ANO3: variants seen among roughly 807,000 people sequenced by gnomAD.
ANO3 encodes the protein anoctamin-3.
A neutral mutation model predicts 144.8 loss-of-function variants in ANO3; 99 were observed. That is an observed-to-expected ratio of 0.68 (90% CI 0.58 to 0.81). The LOEUF is 0.81. Ranked by LOEUF, ANO3 falls within the 30% of genes least tolerant of loss-of-function variation. The pLI, the probability that ANO3 is intolerant of heterozygous loss-of-function variation, is 0.00. For synonymous variants in ANO3, 414 were observed against 392.6 expected, an observed-to-expected ratio of 1.05 and a Z score of -0.64; for missense variants, 905 against 1,202.2, an observed-to-expected ratio of 0.75 and a Z score of 3.66.
chr11:26,258,058 T>G (rs1853100186), intron 1 of ANO3, among the ~76,000 whole-genome samples: 1 of 152,130 alleles, frequency 6.6e-6, no homozygotes, highest in South Asian at 2.1e-4. Flanking sequence ...GAGTACTCAT[T>G]TCTGGTAAGA....
At chr11:26,236,135 A>G (rs901948759) in intron 1 of ANO3, among the ~76,000 whole-genome samples, 2 of 152,178 alleles carry the variant, frequency 1.3e-5, no homozygotes, top group Non-Finnish European at 2.9e-5. Context: ...TGTGCATCAT[A>G]GTTTATTAAA....
chr11:26,408,569 T>A (rs12420352), intron 1 of ANO3, among the ~76,000 whole-genome samples: 143,238 of 146,400 alleles, frequency 0.98, 70,150 homozygotes, highest in Middle Eastern at 1. Context: ...CGGTGTGGCG[T>A]TTCCTCAGGG....
intron 1 of ANO3, among the ~76,000 whole-genome samples, chr11:26,369,790 C>G (rs1369874717): frequency 1.3e-5 from 2 of 152,088 alleles, no homozygotes; most frequent in Non-Finnish European, 1.5e-5. Flanking sequence ...TTTACTGTTA[C>G]TTTCTAAATT....
intron 1 of ANO3, among the ~76,000 whole-genome samples, chr11:26,335,609 T>C (rs1386899420): frequency 6.6e-6 from 1 of 152,222 alleles, no homozygotes; most frequent in Non-Finnish European, 1.5e-5. Context: ...TAATCTAAAA[T>C]GTTTTTGCAA....
intron 1 of ANO3, among the ~76,000 whole-genome samples, chr11:26,248,764 A>G (rs1029653338): frequency 3.3e-5 from 5 of 152,268 alleles, no homozygotes; most frequent in Middle Eastern, 6.8e-3. Context: ...TTGCCTTTAT[A>G]TCGCGGTCCC....
At chr11:26,325,054 T>C (rs1420173320) in intron 1 of ANO3, among the ~76,000 whole-genome samples, 1 of 152,146 alleles carries the variant, frequency 6.6e-6, no homozygotes, top group Non-Finnish European at 1.5e-5. Flanking sequence ...CAAACTTTCC[T>C]GAAAGGGACC....
intron 1 of ANO3, among the ~76,000 whole-genome samples, chr11:26,250,551 T>A (rs1364010023): frequency 6.6e-6 from 1 of 152,176 alleles, no homozygotes; most frequent in Non-Finnish European, 1.5e-5. Flanking sequence ...TTCTGTTGGA[T>A]TCATCACTGC....
At chr11:26,272,261 T>G (rs1853455322) in intron 1 of ANO3, among the ~76,000 whole-genome samples, 1 of 151,870 alleles carries the variant, frequency 6.6e-6, no homozygotes, top group African/African-American at 2.4e-5. Context: ...GTCATGATAT[T>G]ACAAGAAAAA....
chr11:26,233,994 CGG>C (rs34117140), intron 1 of ANO3, among the ~76,000 whole-genome samples: 48,622 of 151,550 alleles, frequency 0.32, 8,534 homozygotes, highest in Non-Finnish European at 0.38. Context: ...CTAATGTATG[CGG>C]GGGGCTGAAA....
chr11:26,656,538 A>G (rs950967992), intron 26 of ANO3, 57 bp downstream of exon 26: 6 of 1,153,898 alleles, frequency 5.2e-6, no homozygotes, highest in Non-Finnish European at 6.5e-6. Context: ...TAAATGATTT[A>G]TCAGTTGCCT....
chr11:26,201,886 CA>C lies in ANO3; in HGVS notation c.154+12557del, dbSNP rs572666385. 4.4e-4 allele frequency among the ~76,000 whole-genome samples: 66 copies of C among 151,322 alleles called. 2 individuals carry two copies. The highest frequency in any genetic ancestry group is 7.7e-4 in the Non-Finnish European group (52 of 67,802). The stretch of plus-strand genomic sequence containing the variant: ...TTTATTACTATCCCTGAGAGCCTGC[CA>C]GTTCTGAACATATAGCTATCAAATG... On this transcript the variant is annotated intron_variant, in intron 1 of 27. Coordinates refer to the ANO3 transcript ENST00000672621.
chr11:26,216,528 G>T (rs1270958501), intron 1 of ANO3, among the ~76,000 whole-genome samples: 4 of 151,920 alleles, frequency 2.6e-5, no homozygotes, highest in African/African-American at 9.7e-5. Context: ...ACTTGTTAAA[G>T]ATATATTGAA....
intron 14 of ANO3, among the ~76,000 whole-genome samples, chr11:26,578,093 G>C (rs935868263): frequency 6.6e-6 from 1 of 152,206 alleles, no homozygotes; most frequent in Non-Finnish European, 1.5e-5. Flanking sequence ...TCAAAGAACT[G>C]AGAAGCCAGA....
At chr11:26,646,898 CTCA>C (rs1287808404) in intron 23 of ANO3, among the ~76,000 whole-genome samples, 24 of 151,894 alleles carry the variant, frequency 1.6e-4, no homozygotes, top group Non-Finnish European at 2.9e-4. Flanking sequence ...TTATGATCTC[CTCA>C]TCAAGTAAAC....
chr11:26,578,317 A>G (rs1005729139), intron 14 of ANO3, among the ~76,000 whole-genome samples: 6 of 152,130 alleles, frequency 3.9e-5, no homozygotes, highest in Non-Finnish European at 7.3e-5. Flanking sequence ...GAGGGAGGAA[A>G]TATGGTCCTA....
chr11:26,374,883 AC>A (rs550827924), intron 1 of ANO3, among the ~76,000 whole-genome samples: 1 of 152,178 alleles, frequency 6.6e-6, no homozygotes, highest in Non-Finnish European at 1.5e-5. Context: ...AACTGGGATT[AC>A]AGGTGCACAC....
At chr11:26,314,105 C>T (rs57787586) in intron 1 of ANO3, among the ~76,000 whole-genome samples, 3,661 of 152,048 alleles carry the variant, frequency 0.024, 138 homozygotes, top group African/African-American at 0.084. Context: ...TTCAGTAAGG[C>T]CTTATCAAGA....
intron 1 of ANO3, among the ~76,000 whole-genome samples, chr11:26,255,317 T>G (rs533392699): frequency 2.1e-4 from 32 of 152,130 alleles, no homozygotes; most frequent in Non-Finnish European, 4.1e-4. Context: ...TGGGCTATGG[T>G]TTAGATAGAC....
At chr11:26,581,187 T>G (rs1428199296) in intron 14 of ANO3, among the ~76,000 whole-genome samples, 1 of 152,222 alleles carries the variant, frequency 6.6e-6, no homozygotes, top group Non-Finnish European at 1.5e-5. Context: ...TAATGTTTAC[T>G]TAACCTGAGT....
Sources: allele counts gnomAD v4.1 joint callset (sites outside exome capture counted in the v4.1 genomes callset), GRCh38; gene constraint gnomAD v4.1.1; transcripts MANE v1.5; gene names NCBI Gene and HGNC (gene_info 2026-07-23, HGNC 2026-07-21).